S100A16: variants seen among roughly 807,000 people sequenced by gnomAD.
The protein encoded by S100A16 is protein S100-A16.
Under a neutral mutation model 9.0 loss-of-function variants are expected in S100A16, and 8 were observed. That is an observed-to-expected ratio of 0.89 (90% CI 0.52 to 1.60). The LOEUF (loss-of-function observed/expected upper bound fraction) is 1.60. S100A16 is among the 40% of genes most tolerant of loss of function. S100A16 has a pLI of 0.00. For missense variants in S100A16, 138 were observed against 132.4 expected, an observed-to-expected ratio of 1.04 and a Z score of -0.21; for synonymous variants, 51 against 51.4, an observed-to-expected ratio of 0.99 and a Z score of 0.04.
intron 1 of S100A16, chr1:153,609,229 A>G: frequency 2.0e-6 from 2 of 985,526 alleles, no homozygotes; most frequent in South Asian, 4.7e-5. Context: ...CAGCCACCAT[A>G]GGGGCCTGAG....
rs533913748 is a variant in S100A16 at position 153,609,407 on chromosome 1, C to T, written c.-26-1230G>A. The T allele has an allele frequency of 2.4e-5, 23 of 977,344 alleles. No homozygotes were observed. The African/African-American group carries it at 2.8e-4, about 12-fold the overall frequency. The allele number at this position is 977,344 out of a possible 1,614,324, so 60.5% of individuals were successfully genotyped here. ...AATCACTCTCGCCCCGCCCAAGCCA[C>T]GCCTCCGAAGGAAGCCTGCCTTGAC... On this transcript the variant is annotated intron_variant, in intron 1 of 2. Coordinates refer to ENST00000368706, the MANE Select transcript of S100A16 (RefSeq NM_080388.3).
rs1487731149 is a variant in S100A16, at chr1:153,607,477, GA to G, written c.*56del. ...CAGGAGGCTGAGGAGGGAGCCTGGG[GA>G]GAGCACCAGGGCGGGGCATCAGGCC... is the stretch of plus-strand genomic sequence containing the variant. On this transcript the variant is annotated 3_prime_UTR_variant, in exon 3 of 3. Transcript: ENST00000368706. 1 of 1,605,324 alleles carries G rather than the reference GA, an allele frequency of 6.2e-7. No homozygotes were observed. Among genetic ancestry groups the G allele is most frequent in the East Asian group, 2.2e-5 (1 of 44,838 alleles).
Position 153,607,101 on chromosome 1 carries a change from CT to C in S100A16, c.*432del. On this transcript the variant is annotated 3_prime_UTR_variant, in exon 3 of 3. Coordinates refer to ENST00000368706, the MANE Select transcript of S100A16 (RefSeq NM_080388.3). ...AGGGAAAGTGGAGAGGTCTCTGCTG[CT>C]GCTGCTGCTGCTGCTGCTGCTGTTG... 2.2e-6 allele frequency: 1 copy of C among 447,638 alleles called. No individual in the cohort carries two copies. The highest frequency in any genetic ancestry group is 4.5e-6 in the Non-Finnish European group (1 of 223,648). 27.7% of individuals were successfully genotyped at this position (447,638 alleles called of 1,614,324 possible).
Position 153,607,094 on chromosome 1 carries a change from TCTGCTGCTGCTG to T in S100A16, c.*428_*439del, listed in dbSNP as rs749518324. 5 of 440,694 alleles carry T rather than the reference TCTGCTGCTGCTG, an allele frequency of 1.1e-5. No homozygotes were observed. The highest frequency in any genetic ancestry group is 7.0e-5 in the East Asian group (1 of 14,228). 27.3% of individuals were successfully genotyped at this position (440,694 alleles called of 1,614,324 possible). A position where few individuals can be genotyped will look rare whatever the true frequency, so the allele number is the denominator to read the frequency against. On this transcript the variant is annotated 3_prime_UTR_variant, in exon 3 of 3. Transcript: ENST00000368706. The stretch of plus-strand genomic sequence containing the variant: ...GGGGCTAAGGGAAAGTGGAGAGGTC[TCTGCTGCTGCTG>T]CTGCTGCTGCTGCTGCTGTTGCTGC...
chr1:153,610,328 T>G (rs1666805625), intron 1 of S100A16, among the ~76,000 whole-genome samples: 1 of 152,192 alleles, frequency 6.6e-6, no homozygotes, highest in African/African-American at 2.4e-5. Flanking sequence ...AAATGAGGGA[T>G]CTTGTGGGAA....
rs1666875086 is a variant in S100A16 at position 153,613,077 on chromosome 1, T to G, written c.-152A>C. 6.6e-6 allele frequency: 1 copy of G among 151,892 alleles called. No individual in the cohort carries two copies. The allele number at this position is 151,892 out of a possible 1,614,324, so 9.4% of individuals were successfully genotyped here. On this transcript the variant is annotated 5_prime_UTR_variant, in exon 1 of 3. Coordinates refer to ENST00000368706, the MANE Select transcript of S100A16 (RefSeq NM_080388.3). The stretch of plus-strand genomic sequence containing the variant: ...GCTGCACTCCCAGAATCTGTCCCAC[T>G]CCCTCCCAGCCCTGCCCGCTGAGCT...
intron 1 of S100A16, chr1:153,608,810 C>T: frequency 1.7e-6 from 1 of 575,154 alleles, no homozygotes; most frequent in Non-Finnish European, 2.2e-6. Flanking sequence ...CCCAACACAC[C>T]CCGCCACACC....
rs567744442 is a variant in S100A16 at position 153,612,336 on chromosome 1, C to G, written c.-27+616G>C. Among the ~76,000 whole-genome samples the G allele has an allele frequency of 1.3e-3, 199 of 152,234 alleles. 1 individual carries two copies. Among genetic ancestry groups the G allele is most frequent in the African/African-American group, 4.6e-3 (191 of 41,534 alleles). Reference sequence around the variant, plus strand: ...TCAGCCCCCCTCTCTCTATCTTTCCCTCTCCCAGGGAGCTTGCAGGCTCCC... The same window carrying G: ...TCAGCCCCCCTCTCTCTATCTTTCCGTCTCCCAGGGAGCTTGCAGGCTCCC... On this transcript the variant is annotated intron_variant, in intron 1 of 2. Coordinates refer to ENST00000368706, the MANE Select transcript of S100A16 (RefSeq NM_080388.3).
At position 153,607,314 on chromosome 1, in the gene S100A16, A is replaced by G; in HGVS notation, c.*220T>C. ...CATTGAGATCTCACAGAGGGGCCCC[A>G]AGGGCCTGCGACTCCAGGAGCTGAG... On this transcript the variant is annotated 3_prime_UTR_variant, in exon 3 of 3. Transcript: ENST00000368706. 1.6e-6 allele frequency: 1 copy of G among 615,756 alleles called. No individual in the cohort carries two copies. Among genetic ancestry groups the G allele is most frequent in the East Asian group, 2.8e-5 (1 of 36,000 alleles). The allele number at this position is 615,756 out of a possible 1,614,324, so 38.1% of individuals were successfully genotyped here.
chr1:153,607,931 C>A (rs752507306), intron 2 of S100A16, 68 bp downstream of exon 2: 16 of 1,527,396 alleles, frequency 1.0e-5, no homozygotes, highest in African/African-American at 1.4e-5. Context: ...AAGACACCCT[C>A]AGAGGCCAGA....
At chr1:153,612,270 C>T (rs1443194556) in intron 1 of S100A16, among the ~76,000 whole-genome samples, 1 of 152,054 alleles carries the variant, frequency 6.6e-6, no homozygotes, top group Non-Finnish European at 1.5e-5. Flanking sequence ...CAGCTCAAGC[C>T]GGGGCCTGCC....
chr1:153,611,966 C>T (rs959243057), intron 1 of S100A16, among the ~76,000 whole-genome samples: 4 of 143,378 alleles, frequency 2.8e-5, no homozygotes, highest in Admixed American at 7.4e-5. Flanking sequence ...GCAAGGACCT[C>T]GGCCATTCCT....
At chr1:153,608,644 A>T (rs1390482460) in intron 1 of S100A16, among the ~76,000 whole-genome samples, 1 of 150,928 alleles carries the variant, frequency 6.6e-6, no homozygotes, top group East Asian at 2.0e-4. Context: ...ACTGGCTGAG[A>T]CCCCAGCCCC....
chr1:153,608,463 C>T lies in S100A16; in HGVS notation c.-26-286G>A. ...GGTTCCAGCCCTAGGGAGCAAGATCCCTAGTGTCAGAGCCCTACGGGGCAA... is the reference window on the plus strand; with the variant it reads ...GGTTCCAGCCCTAGGGAGCAAGATCTCTAGTGTCAGAGCCCTACGGGGCAA... On this transcript the variant is annotated intron_variant, in intron 1 of 2. Transcript: ENST00000368706. 7 of 382,270 alleles carry T rather than the reference C, an allele frequency of 1.8e-5. No homozygotes were observed. In the South Asian group the frequency reaches 2.4e-4, roughly 13 times the overall value. The allele number at this position is 382,270 out of a possible 1,614,324, so 23.7% of individuals were successfully genotyped here. A position where few individuals can be genotyped will look rare whatever the true frequency, so the allele number is the denominator to read the frequency against.
intron 1 of S100A16, chr1:153,608,908 G>A: frequency 1.0e-6 from 1 of 985,940 alleles, no homozygotes. Context: ...CCTAAGGCGG[G>A]GGCCAAGCCC....
At chr1:153,610,521 G>A (rs1444829452) in intron 1 of S100A16, among the ~76,000 whole-genome samples, 1 of 152,094 alleles carries the variant, frequency 6.6e-6, no homozygotes, top group Non-Finnish European at 1.5e-5. Flanking sequence ...CAGCCAAGTG[G>A]CCAAGACACA....
intron 2 of S100A16, 143 bp downstream of exon 2, chr1:153,607,856 G>GC: frequency 8.5e-7 from 1 of 1,180,570 alleles, no homozygotes; most frequent in Non-Finnish European, 1.2e-6. Flanking sequence ...GAAGACAGAG[G>GC]CCTGGGGGTG....
chr1:153,607,659 T>C lies in S100A16; in HGVS notation c.187A>G (p.Ile63Val). ...TCATGATTGGCATCCAGGTTCTGGA[T>C]GAGCTTATCCGCAGCCTTCCGGTTC... is the stretch of plus-strand genomic sequence containing the variant. ...TGNRKAADKL[I>V]QNLDANHDGR... Residue 63 changes from isoleucine to valine, a missense_variant, in exon 3 of 3, where the codon ATC becomes GTC. Physicochemically the swap from Ile to Val is conservative, Grantham distance 29 (BLOSUM62 3). Coordinates refer to ENST00000368706, the MANE Select transcript of S100A16 (RefSeq NM_080388.3). The C allele has an allele frequency of 6.2e-7, 1 of 1,614,134 alleles. No individual in the cohort carries two copies. The highest frequency in any genetic ancestry group is 8.5e-7 in the Non-Finnish European group (1 of 1,179,978).
intron 1 of S100A16, among the ~76,000 whole-genome samples, chr1:153,609,728 C>A: frequency 6.6e-6 from 1 of 152,330 alleles, no homozygotes; most frequent in South Asian, 2.1e-4. Context: ...TCAAGGTACA[C>A]GTTCTATAAA....
Sources: allele counts gnomAD v4.1 joint callset (sites outside exome capture counted in the v4.1 genomes callset), GRCh38; gene constraint gnomAD v4.1.1; transcripts MANE v1.5; gene names NCBI Gene and HGNC (gene_info 2026-07-23, HGNC 2026-07-21).